The following ADRA1A variants were observed in gnomAD, a reference collection of about 807,000 sequenced individuals.
The protein encoded by ADRA1A is alpha-1A adrenergic receptor.
In ADRA1A, 31 loss-of-function variants were observed where a neutral mutation model predicts 29.6. That is an observed-to-expected ratio of 1.05 (90% CI 0.79 to 1.41). The LOEUF (loss-of-function observed/expected upper bound fraction) is 1.41, where lower values mean the gene tolerates loss of function less well. ADRA1A is among the 40% of genes most tolerant of loss of function. The probability of loss-of-function intolerance (pLI) is 0.00; values close to 1 mark genes in which losing one functional copy is unlikely to be tolerated. For missense variants in ADRA1A, 619 were observed against 601.1 expected, an observed-to-expected ratio of 1.03 and a Z score of -0.31; for synonymous variants, 311 against 254.3, an observed-to-expected ratio of 1.22 and a Z score of -2.12.
intron 2 of ADRA1A, among the ~76,000 whole-genome samples, chr8:26,853,274 C>T (rs512130): frequency 0.24 from 36,574 of 151,964 alleles, 4,697 homozygotes; most frequent in Non-Finnish European, 0.3. Flanking sequence ...CATTTCCCAA[C>T]ATCATTGTTT....
In ADRA1A at chr8:26,864,577, C is replaced by A; in HGVS notation, c.393G>T (p.Pro131=). 6.2e-7 allele frequency: 1 copy of A among 1,614,106 alleles called. No individual in the cohort carries two copies. The highest frequency in any genetic ancestry group is 8.5e-7 in the Non-Finnish European group (1 of 1,180,020). The change falls in exon 2 of 3, where the codon CCG becomes CCT. Residue 131 remains proline, a synonymous_variant. Coordinates refer to ENST00000380573, the MANE Select transcript of ADRA1A (RefSeq NM_000680.4). The surrounding 1 kb of genome is among the most constrained non-coding windows in gnomAD (Gnocchi z 8.1). The part of the protein sequence containing the change: ...SIDRYIGVSY[P]LRYPTIVTQR... ...GGGTGACGATGGTTGGGTAGCGCAG[C>A]GGGTAGCTCACGCCGATGTAGCGGT... is the stretch of plus-strand genomic sequence containing the variant.
At chr8:26,818,282 T>G (rs1210254457) in intron 2 of ADRA1A, among the ~76,000 whole-genome samples, 1 of 152,178 alleles carries the variant, frequency 6.6e-6, no homozygotes, top group Non-Finnish European at 1.5e-5. Flanking sequence ...CTCACAGAAC[T>G]GGACACTACA....
At chr8:26,855,907 C>T (rs1813012727) in intron 2 of ADRA1A, among the ~76,000 whole-genome samples, 1 of 152,162 alleles carries the variant, frequency 6.6e-6, no homozygotes, top group Non-Finnish European at 1.5e-5. Flanking sequence ...TCATATCCAC[C>T]ATGAAACCAT....
intron 2 of ADRA1A, among the ~76,000 whole-genome samples, chr8:26,847,657 G>T (rs767097313): frequency 4.9e-4 from 75 of 152,254 alleles, no homozygotes; most frequent in Non-Finnish European, 7.2e-4. Flanking sequence ...AACCCTTTTT[G>T]GGCAAAGACG....
chr8:26,761,051 G>A (rs1805481602), downstream of ADRA1A, among the ~76,000 whole-genome samples: 1 of 152,214 alleles, frequency 6.6e-6, no homozygotes, highest in Admixed American at 6.5e-5. Flanking sequence ...TCATGGGCAT[G>A]CTAAGTGACA....
At chr8:26,849,802 C>G (rs955777527) in intron 2 of ADRA1A, among the ~76,000 whole-genome samples, 1 of 152,052 alleles carries the variant, frequency 6.6e-6, no homozygotes, top group South Asian at 2.1e-4. Flanking sequence ...GGAGGATGAT[C>G]TCTAAATTGT....
chr8:26,776,601 G>A (rs1044980518), intron 2 of ADRA1A, among the ~76,000 whole-genome samples: 1 of 152,178 alleles, frequency 6.6e-6, no homozygotes, highest in African/African-American at 2.4e-5. Flanking sequence ...TGATCTTTGT[G>A]TGCCGTTTAG....
chr8:26,845,480 G>A (rs560927456), intron 2 of ADRA1A, among the ~76,000 whole-genome samples: 74 of 152,326 alleles, frequency 4.9e-4, no homozygotes, highest in Non-Finnish European at 3.2e-4. Flanking sequence ...AAACATTGCT[G>A]GTGGGTATGT....
At chr8:26,844,630 A>G (rs568561038) in intron 2 of ADRA1A, among the ~76,000 whole-genome samples, 3 of 152,288 alleles carry the variant, frequency 2.0e-5, no homozygotes, top group African/African-American at 7.2e-5. Context: ...TCAGTGGGAG[A>G]AAGAATAATT....
At chr8:26,820,334 T>C (rs1442573321) in intron 2 of ADRA1A, among the ~76,000 whole-genome samples, 1 of 152,224 alleles carries the variant, frequency 6.6e-6, no homozygotes, top group African/African-American at 2.4e-5. Context: ...ATAGATCATA[T>C]ACTGGACCAC....
At position 26,796,244 on chromosome 8, in the gene ADRA1A, G is replaced by A. The variant is rs1808186880; in HGVS notation, c.884-25578C>T. Among the ~76,000 whole-genome samples the A allele has an allele frequency of 6.6e-6, 1 of 152,082 alleles. No homozygotes were observed. Among genetic ancestry groups the A allele is most frequent in the African/African-American group, 2.4e-5 (1 of 41,410 alleles). On this transcript the variant is annotated intron_variant, in intron 2 of 2. Coordinates refer to ENST00000380573, the MANE Select transcript of ADRA1A (RefSeq NM_000680.4). The surrounding 1 kb of genome is among the most constrained non-coding windows in gnomAD (Gnocchi z 5.0). ...TATAGGTACATCAGCTTCATTACATGATTGTCTCTACTTTTGTATGCATTT... is the reference window on the plus strand; with the variant it reads ...TATAGGTACATCAGCTTCATTACATAATTGTCTCTACTTTTGTATGCATTT...
Position 26,769,479 on chromosome 8 carries a change from G to C in ADRA1A, c.*670C>G, listed in dbSNP as rs541115355. ...AACCCTCTCCTGACCCAAGGATAGAGAACACTACATTCCAAGACATCATGA... is the reference window on the plus strand; with the variant it reads ...AACCCTCTCCTGACCCAAGGATAGACAACACTACATTCCAAGACATCATGA... On this transcript the variant is annotated 3_prime_UTR_variant, in exon 3 of 3. Transcript: ENST00000380573. The C allele has an allele frequency of 4.1e-6, 4 of 985,408 alleles. No individual in the cohort carries two copies. The African/African-American group carries it at 7.0e-5, about 17-fold the overall frequency. The allele number at this position is 985,408 out of a possible 1,614,324, so 61.0% of individuals were successfully genotyped here.
At chr8:26,811,820 C>A (rs1326521187) in intron 2 of ADRA1A, among the ~76,000 whole-genome samples, 1 of 152,152 alleles carries the variant, frequency 6.6e-6, no homozygotes, top group Non-Finnish European at 1.5e-5. Flanking sequence ...ACGTAAATGT[C>A]GTCACGTGGA....
downstream of ADRA1A, among the ~76,000 whole-genome samples, chr8:26,761,174 A>G (rs1439039448): frequency 6.6e-6 from 1 of 152,258 alleles, no homozygotes; most frequent in African/African-American, 2.4e-5. Flanking sequence ...AACTTTAAAA[A>G]ACAACAGAAA....
At chr8:26,854,925 C>G (rs1005036673) in intron 2 of ADRA1A, among the ~76,000 whole-genome samples, 2 of 152,116 alleles carry the variant, frequency 1.3e-5, no homozygotes, top group Non-Finnish European at 2.9e-5. Flanking sequence ...CAGGGAGCTG[C>G]CTCACTCCTT....
At chr8:26,755,890 G>A (rs1444953263), downstream of ADRA1A, among the ~76,000 whole-genome samples, 2 of 152,236 alleles carry the variant, frequency 1.3e-5, no homozygotes, top group African/African-American at 4.8e-5. Flanking sequence ...TTGTTTTGCA[G>A]GGTGATTTTC....
In ADRA1A at chr8:26,864,636, C is replaced by T. The variant is rs888236558; in HGVS notation, c.334G>A (p.Ala112Thr). 6.2e-7 allele frequency: 1 copy of T among 1,614,148 alleles called. No homozygotes were observed. Among genetic ancestry groups the T allele is most frequent in the Non-Finnish European group, 8.5e-7 (1 of 1,180,046 alleles). ...ATGATGCAGAGGCCCATGATGGACG[C>T]GGTGCAGCACAGCACATCCACTGCC... Reference protein sequence around the residue: ...WAAVDVLCCTASIMGLCIISI... With the variant: ...WAAVDVLCCTTSIMGLCIISI... The change falls in exon 2 of 3, where the codon GCG (alanine) becomes ACG (threonine). Residue 112 changes from alanine (A) to threonine (T), a missense_variant. By Grantham distance (58) the Ala-to-Thr change is moderately conservative. Coordinates refer to ENST00000380573, the MANE Select transcript of ADRA1A (RefSeq NM_000680.4). The surrounding 1 kb of genome is among the most constrained non-coding windows in gnomAD (Gnocchi z 8.1).
intron 2 of ADRA1A, among the ~76,000 whole-genome samples, chr8:26,771,188 T>C (rs1049621597): frequency 1.3e-5 from 2 of 152,244 alleles, no homozygotes; most frequent in Non-Finnish European, 1.5e-5. Context: ...TACACAATAT[T>C]GGCCTTGCCA....
chr8:26,812,370 A>G (rs1355426143), intron 2 of ADRA1A, among the ~76,000 whole-genome samples: 1 of 152,150 alleles, frequency 6.6e-6, no homozygotes, highest in East Asian at 1.9e-4. Flanking sequence ...ACTCAGGTTA[A>G]AATAATGGTT....
Sources: allele counts gnomAD v4.1 joint callset (sites outside exome capture counted in the v4.1 genomes callset), GRCh38; gene constraint gnomAD v4.1.1; non-coding constraint Gnocchi (gnomAD v3.1); transcripts MANE v1.5; gene names NCBI Gene and HGNC (gene_info 2026-07-23, HGNC 2026-07-21).